The following CSGALNACT2 variants were observed in gnomAD, a reference collection of about 807,000 sequenced individuals.
CSGALNACT2 encodes the protein beta 4 GalNAcT-2.
Under a neutral mutation model 55.3 loss-of-function variants are expected in CSGALNACT2, and 35 were observed. That is an observed-to-expected ratio of 0.63 (90% CI 0.48 to 0.84). The LOEUF is 0.84. Ranked by LOEUF, CSGALNACT2 falls within the 40% of genes least tolerant of loss-of-function variation. The pLI is 0.00. For synonymous variants in CSGALNACT2, 196 were observed against 224.9 expected, an observed-to-expected ratio of 0.87 and a Z score of 1.15; for missense variants, 544 against 657.5, an observed-to-expected ratio of 0.83 and a Z score of 1.89.
At position 43,155,710 on chromosome 10, in the gene CSGALNACT2, C is replaced by T; in HGVS notation, c.561C>T (p.Gly187=). 6.2e-7 allele frequency: 1 copy of T among 1,614,054 alleles called. No individual in the cohort carries two copies. Among genetic ancestry groups the T allele is most frequent in the Non-Finnish European group, 8.5e-7 (1 of 1,179,992 alleles). Residue 187 remains glycine, a synonymous_variant, in exon 2 of 8, where the codon GGC becomes GGT. Transcript: ENST00000374466. ...AATTGGTGGAAGTTATTGAAGCGGG[C>T]TTGGAGGTCATTAATAATCCTGATG... The part of the protein sequence containing the change: ...RDELVEVIEA[G]LEVINNPDED...
At position 43,178,955 on chromosome 10, in the gene CSGALNACT2, G is replaced by A. The variant is rs188552011; in HGVS notation, c.1336+2923G>A. Reference sequence around the variant, plus strand: ...TTCTTCAGATTGCATAATTTCTATTGATCTATCCAAGTTCTCTGATTGTTT... The same window carrying A: ...TTCTTCAGATTGCATAATTTCTATTAATCTATCCAAGTTCTCTGATTGTTT... On this transcript the variant is annotated intron_variant, in intron 7 of 7. Coordinates refer to ENST00000374466, the MANE Select transcript of CSGALNACT2 (RefSeq NM_018590.5). 2.4e-3 allele frequency among the ~76,000 whole-genome samples: 361 copies of A among 151,896 alleles called. 2 individuals carry two copies. Among genetic ancestry groups the A allele is most frequent in the African/African-American group, 7.9e-3 (329 of 41,430 alleles).
At chr10:43,165,097 T>C (rs1839234675) in intron 5 of CSGALNACT2, among the ~76,000 whole-genome samples, 1 of 151,878 alleles carries the variant, frequency 6.6e-6, no homozygotes, top group South Asian at 2.1e-4. Context: ...TGGTGGTGGG[T>C]GCCTGTAGTC....
intron 1 of CSGALNACT2, among the ~76,000 whole-genome samples, chr10:43,149,983 C>T (rs1040618955): frequency 6.6e-6 from 1 of 152,142 alleles, no homozygotes; most frequent in Non-Finnish European, 1.5e-5. Flanking sequence ...AGGAGAATCC[C>T]TTGAACGTGG....
chr10:43,160,520 A>G lies in CSGALNACT2; in HGVS notation c.905A>G (p.Lys302Arg). ...FRDVCIHQDK[K>R]IHLTVVYFGK... ...GATGTTTGTATTCATCAAGACAAGA[A>G]GATTCATCTCACAGTGGTGTATTTT... Residue 302 changes from lysine to arginine, a missense_variant, in exon 4 of 8, where the codon AAG (lysine) becomes AGG (arginine). By Grantham distance (26) the Lys-to-Arg change is conservative. Coordinates refer to ENST00000374466, the MANE Select transcript of CSGALNACT2 (RefSeq NM_018590.5). The G allele has an allele frequency of 6.3e-7, 1 of 1,579,442 alleles. No individual in the cohort carries two copies. Among genetic ancestry groups the G allele is most frequent in the Non-Finnish European group, 8.7e-7 (1 of 1,150,314 alleles).
Position 43,183,714 on chromosome 10 carries a change from A to C in CSGALNACT2, c.*172A>C. 1 of 608,586 alleles carries C rather than the reference A, an allele frequency of 1.6e-6. No individual in the cohort carries two copies. The highest frequency in any genetic ancestry group is 2.9e-6 in the Non-Finnish European group (1 of 344,662). The allele number at this position is 608,586 out of a possible 1,614,324, so 37.7% of individuals were successfully genotyped here. ...TGTGAGAAGAAAAAACAAATGTTTC[A>C]ACACAAAATCTCTGTTTTGTGAGAA... On this transcript the variant is annotated 3_prime_UTR_variant, in exon 8 of 8. Transcript: ENST00000374466.
At chr10:43,161,962 G>A (rs971948602) in intron 4 of CSGALNACT2, among the ~76,000 whole-genome samples, 5 of 152,162 alleles carry the variant, frequency 3.3e-5, no homozygotes, top group Non-Finnish European at 2.9e-5. Context: ...GTATTGTCAA[G>A]ACACTTCTGT....
intron 4 of CSGALNACT2, 92 bp downstream of exon 4, chr10:43,160,687 C>G: frequency 2.9e-6 from 2 of 690,932 alleles, no homozygotes; most frequent in East Asian, 5.6e-5. Context: ...TTTTTAGTAA[C>G]TATTATTTAA....
chr10:43,180,486 G>A (rs544652671), intron 7 of CSGALNACT2, among the ~76,000 whole-genome samples: 175 of 152,184 alleles, frequency 1.1e-3, no homozygotes, highest in African/African-American at 3.9e-3. Context: ...CACTGCTTAT[G>A]TTCCGCATCT....
intron 7 of CSGALNACT2, 78 bp from the exon 8 acceptor site, chr10:43,183,172 C>T: frequency 8.8e-7 from 1 of 1,131,474 alleles, no homozygotes; most frequent in Non-Finnish European, 1.3e-6. Context: ...TGAAGCAGAA[C>T]ATTTAAAATT....
rs748535389 is a variant in CSGALNACT2 at position 43,163,832 on chromosome 10, G to T, written c.981-34G>T. The T allele has an allele frequency of 2.1e-5, 33 of 1,583,366 alleles. No homozygotes were observed. The Middle Eastern group carries it at 6.7e-4, about 32-fold the overall frequency. On this transcript the variant is annotated intron_variant, in intron 4 of 7. Transcript: ENST00000374466. Reference sequence around the variant, plus strand: ...GAAGAAAATTGGTAACTTTAAGTGGGACTTATCATTTGTTGTGTGTGCTTT... The same window carrying T: ...GAAGAAAATTGGTAACTTTAAGTGGTACTTATCATTTGTTGTGTGTGCTTT...
rs1839074715 is a variant in CSGALNACT2, at chr10:43,158,722, T to C, written c.669T>C (p.Tyr223=). 1.3e-6 allele frequency: 2 copies of C among 1,587,560 alleles called. No individual in the cohort carries two copies. Among genetic ancestry groups the C allele is most frequent in the Admixed American group, 1.7e-5 (1 of 59,748 alleles). The change falls in exon 3 of 8, where the codon TAT becomes TAC. Residue 223 remains tyrosine (Y), a synonymous_variant. Coordinates refer to ENST00000374466, the MANE Select transcript of CSGALNACT2 (RefSeq NM_018590.5). ...CCTAACTCTTTCCTTTAGGTTATTATCGCACTGAGAGAGATAAGGGCACAC... is the reference window on the plus strand; with the variant it reads ...CCTAACTCTTTCCTTTAGGTTATTACCGCACTGAGAGAGATAAGGGCACAC... The part of the protein sequence containing the change: ...FNENDFVEGY[Y]RTERDKGTQY...
intron 6 of CSGALNACT2, among the ~76,000 whole-genome samples, chr10:43,175,126 C>T (rs1782761834): frequency 1.3e-5 from 2 of 152,174 alleles, no homozygotes; most frequent in African/African-American, 4.8e-5. Context: ...CTGTAGAGAG[C>T]CAGATAAGAA....
At chr10:43,182,595 A>ATG (rs1839608057) in intron 7 of CSGALNACT2, among the ~76,000 whole-genome samples, 1 of 151,994 alleles carries the variant, frequency 6.6e-6, no homozygotes, top group South Asian at 2.1e-4. Flanking sequence ...AGGACAGAAA[A>ATG]TGTGGCTGGT....
At chr10:43,140,911 G>A (rs1483641663) in intron 1 of CSGALNACT2, among the ~76,000 whole-genome samples, 1 of 152,206 alleles carries the variant, frequency 6.6e-6, no homozygotes, top group African/African-American at 2.4e-5. Context: ...TCTAAGAGAA[G>A]CTTCAGACCA....
chr10:43,141,330 G>A (rs1297131276), intron 1 of CSGALNACT2, among the ~76,000 whole-genome samples: 1 of 151,808 alleles, frequency 6.6e-6, no homozygotes, highest in Admixed American at 6.6e-5. Context: ...CCATTCTCCT[G>A]CCTCAGCCTC....
rs535659827 is a variant in CSGALNACT2, at chr10:43,175,893, T to G, written c.1255-58T>G. 2.1e-6 allele frequency: 3 copies of G among 1,453,578 alleles called. No homozygotes were observed. The Admixed American group carries it at 6.0e-5, about 29-fold the overall frequency. 90.0% of individuals were successfully genotyped at this position (1,453,578 alleles called of 1,614,324 possible). On this transcript the variant is annotated intron_variant, in intron 6 of 7. Transcript: ENST00000374466. ...GAAAATAATTTGTTTCATCGTTGAT[T>G]AAAACTTCTGCTTCTTATGGAATTA...
chr10:43,139,316 A>AT (rs1838567617), intron 1 of CSGALNACT2, among the ~76,000 whole-genome samples: 1 of 152,184 alleles, frequency 6.6e-6, no homozygotes, highest in Non-Finnish European at 1.5e-5. Flanking sequence ...GAAGCCAAGT[A>AT]TTTTAGGACT....
chr10:43,158,673 C>CT (rs757882472), intron 2 of CSGALNACT2, 42 bp from the exon 3 acceptor site: 21 of 1,188,944 alleles, frequency 1.8e-5, no homozygotes, highest in Non-Finnish European at 2.5e-5. Flanking sequence ...AATTTGTAAA[C>CT]TTTGACATGG....
chr10:43,163,922 G>A lies in CSGALNACT2; in HGVS notation c.1037G>A (p.Gly346Glu). 1.2e-6 allele frequency: 2 copies of A among 1,614,156 alleles called. No individual in the cohort carries two copies. Among genetic ancestry groups the A allele is most frequent in the Non-Finnish European group, 1.7e-6 (2 of 1,180,016 alleles). The change falls in exon 5 of 8, where the codon GGA becomes GAA. Residue 346 changes from glycine (G) to glutamate (E), a missense_variant. Gly to Glu is a moderately conservative substitution (Grantham distance 98). Coordinates refer to ENST00000374466, the MANE Select transcript of CSGALNACT2 (RefSeq NM_018590.5). ...TCATTGAATGAAGAATTTAATCGTGGACGAGGACTAAATGTGGGTGCCCGA... is the reference window on the plus strand; with the variant it reads ...TCATTGAATGAAGAATTTAATCGTGAACGAGGACTAAATGTGGGTGCCCGA... ...LVSLNEEFNR[G>E]RGLNVGARAW... is the part of the protein sequence containing the mutation.
Sources: gnomAD v4.1 joint callset for allele counts (sites outside exome capture counted in the v4.1 genomes callset) on GRCh38, gnomAD v4.1.1 for gene constraint, MANE v1.5 for transcripts, NCBI Gene and HGNC (gene_info 2026-07-23, HGNC 2026-07-21) for gene names.